MICAL3: variants seen among roughly 807,000 people sequenced by gnomAD.
The protein encoded by MICAL3 is microtubule associated monooxygenase, calponin and LIM domain containing 3.
In MICAL3, 62 loss-of-function variants were observed where a neutral mutation model predicts 207.4. The observed-to-expected ratio is 0.30, with a 90% CI of 0.24 to 0.37. MICAL3 has a LOEUF of 0.37. Ranked by LOEUF, MICAL3 falls within the 10% of genes least tolerant of loss-of-function variation. The pLI is 1.00. For synonymous variants in MICAL3, 1,077 were observed against 1,069.3 expected, an observed-to-expected ratio of 1.01 and a Z score of -0.14; for missense variants, 2,368 against 2,635.6, an observed-to-expected ratio of 0.90 and a Z score of 2.22.
In MICAL3 at chr22:17,817,497, C is replaced by A. The variant is rs767629560; in HGVS notation, c.5164G>T (p.Glu1722Ter). ...TCTAGGAGGTTGGAGCTGGGCTTCTCCGGGGGCCGGCCCTCGCCTTTGGAC... is the reference window on the plus strand; with the variant it reads ...TCTAGGAGGTTGGAGCTGGGCTTCTACGGGGGCCGGCCCTCGCCTTTGGAC... ...KKSKGEGRPP[E>*]KPSSNLLEEA... Residue 1722 changes from glutamate to a stop codon, truncating the protein, a stop_gained, in exon 26 of 32, where the codon GAG (glutamate) becomes TAG (stop). Coordinates refer to ENST00000441493, the MANE Select transcript of MICAL3 (RefSeq NM_015241.3). LOFTEE classifies it high-confidence loss of function. The A allele has an allele frequency of 6.2e-7, 1 of 1,613,578 alleles. No homozygotes were observed. The highest frequency in any genetic ancestry group is 1.7e-5 in the Admixed American group (1 of 59,990).
intron 1 of MICAL3, among the ~76,000 whole-genome samples, chr22:18,000,438 C>T (rs1922822656): frequency 6.6e-6 from 1 of 152,248 alleles, no homozygotes; most frequent in African/African-American, 2.4e-5. Flanking sequence ...GGGCTGGTCC[C>T]CGCCCCTTAA....
chr22:17,882,476 T>C (rs911757308), intron 16 of MICAL3, among the ~76,000 whole-genome samples: 3 of 152,216 alleles, frequency 2.0e-5, no homozygotes, highest in Non-Finnish European at 2.9e-5. Flanking sequence ...ACACAGGGCC[T>C]GGGTACCACT....
At chr22:17,920,475 C>A (rs1057496385) in intron 1 of MICAL3, among the ~76,000 whole-genome samples, 9 of 152,182 alleles carry the variant, frequency 5.9e-5, no homozygotes, top group Non-Finnish European at 8.8e-5. Flanking sequence ...GGCTCAGACG[C>A]GTTCCGGTCT....
At chr22:17,922,928 G>A (rs935871358) in intron 1 of MICAL3, among the ~76,000 whole-genome samples, 3 of 152,160 alleles carry the variant, frequency 2.0e-5, no homozygotes, top group East Asian at 1.9e-4. Context: ...CAGCTCAGTG[G>A]AATGTATTTT....
intron 1 of MICAL3, among the ~76,000 whole-genome samples, chr22:17,991,282 G>A (rs754769749): frequency 2.0e-5 from 3 of 152,248 alleles, no homozygotes; most frequent in Non-Finnish European, 2.9e-5. Flanking sequence ...AGAGGGGCAG[G>A]CAGGTGAAAG....
At chr22:17,891,170 G>C (rs1233037524) in intron 12 of MICAL3, among the ~76,000 whole-genome samples, 2 of 152,026 alleles carry the variant, frequency 1.3e-5, no homozygotes, top group Non-Finnish European at 2.9e-5. Context: ...GTTTTCCTTT[G>C]TGGGAAGCTA....
In MICAL3 at chr22:17,976,557, GTGTGTATA is replaced by G. The variant is rs797013227; in HGVS notation, c.-75+47716_-75+47723del. 3.6e-3 allele frequency among the ~76,000 whole-genome samples: 288 copies of G among 80,896 alleles called. 1 individual carries two copies. The highest frequency in any genetic ancestry group is 0.02 in the Middle Eastern group (3 of 150). The allele number at this position is 80,896 out of a possible 152,430, so 53.1% of individuals were successfully genotyped here. On this transcript the variant is annotated intron_variant, in intron 1 of 31. Coordinates refer to ENST00000441493, the MANE Select transcript of MICAL3 (RefSeq NM_015241.3). ...TATATGTGTGTGTGTGTGTGTGTGT[GTGTGTATA>G]TATATATATATATATATATATATAT...
chr22:17,812,029 GT>G (rs577994871), intron 27 of MICAL3, among the ~76,000 whole-genome samples: 13 of 152,202 alleles, frequency 8.5e-5, no homozygotes, highest in Admixed American at 2.0e-4. Flanking sequence ...GATTACAGGT[GT>G]GAGCCACCAT....
chr22:17,893,820 A>C lies in MICAL3; in HGVS notation c.1534T>G (p.Leu512Val), dbSNP rs1930593956. 1.3e-6 allele frequency: 2 copies of C among 1,573,508 alleles called. No homozygotes were observed. The highest frequency in any genetic ancestry group is 1.7e-6 in the Non-Finnish European group (2 of 1,157,872). The change falls in exon 11 of 32, where the codon TTG becomes GTG. Residue 512 changes from leucine to valine, a missense_variant. Physicochemically the swap from Leu to Val is conservative, Grantham distance 32. This residue lies in a region of MICAL3 where 147 missense variants were observed against 137.7 expected (regional missense o/e 1.07). Coordinates refer to ENST00000441493, the MANE Select transcript of MICAL3 (RefSeq NM_015241.3). ...CACCAGAACTCACCATTGCGAGTCA[A>C]TTTGGGGGTGGTTCGGGAATTCACC... ...SLVNSRTTPKLTRNESVARSS... is the reference protein window; with the variant it reads ...SLVNSRTTPKVTRNESVARSS...
chr22:18,020,504 A>G (rs564780065), intron 1 of MICAL3, among the ~76,000 whole-genome samples: 1 of 151,694 alleles, frequency 6.6e-6, no homozygotes, highest in Non-Finnish European at 1.5e-5. Flanking sequence ...TAATGTAATC[A>G]TCAAAATATA....
intron 19 of MICAL3, among the ~76,000 whole-genome samples, chr22:17,853,736 T>A (rs1925583786): frequency 1.3e-5 from 2 of 152,212 alleles, no homozygotes; most frequent in Admixed American, 1.3e-4. Flanking sequence ...TTTCAAGATC[T>A]GTGCTGGTTC....
intron 20 of MICAL3, among the ~76,000 whole-genome samples, chr22:17,837,330 C>T (rs1923503702): frequency 2.0e-5 from 3 of 152,246 alleles, no homozygotes; most frequent in South Asian, 2.1e-4. Context: ...CTCTCACTTT[C>T]GTGTTATTCT....
chr22:17,822,930 G>A lies in MICAL3; in HGVS notation c.3307+17C>T. On this transcript the variant is annotated intron_variant, in intron 23 of 31. Transcript: ENST00000441493. ...CCCTGAGCTCCCACCACAGGGGCGGGGAGGGCGGACCCCTACCATCATCCA... is the reference window on the plus strand; with the variant it reads ...CCCTGAGCTCCCACCACAGGGGCGGAGAGGGCGGACCCCTACCATCATCCA... 1.3e-6 allele frequency: 2 copies of A among 1,543,278 alleles called. No individual in the cohort carries two copies. Among genetic ancestry groups the A allele is most frequent in the African/African-American group, 1.4e-5 (1 of 73,410 alleles).
At chr22:17,930,548 C>A (rs1315698325) in intron 1 of MICAL3, among the ~76,000 whole-genome samples, 2 of 152,194 alleles carry the variant, frequency 1.3e-5, no homozygotes, top group African/African-American at 4.8e-5. Context: ...AGAGGGCAGA[C>A]ACAGGACAGA....
chr22:17,851,940 A>G (rs764953973), intron 19 of MICAL3, among the ~76,000 whole-genome samples: 9 of 152,220 alleles, frequency 5.9e-5, no homozygotes, highest in Admixed American at 3.3e-4. Flanking sequence ...AGAGGAGGAC[A>G]TGGGTCAGCA....
intron 19 of MICAL3, among the ~76,000 whole-genome samples, chr22:17,857,244 T>A (rs1926026206): frequency 6.6e-6 from 1 of 152,132 alleles, no homozygotes; most frequent in South Asian, 2.1e-4. Flanking sequence ...CTAGTGAGTG[T>A]CACAGCCTGA....
chr22:17,950,300 T>C (rs920048659), intron 1 of MICAL3, among the ~76,000 whole-genome samples: 1 of 151,152 alleles, frequency 6.6e-6, no homozygotes, highest in African/African-American at 2.4e-5. Context: ...CAGCTGGGAT[T>C]ACAGGCGCCT....
intron 19 of MICAL3, among the ~76,000 whole-genome samples, chr22:17,845,215 T>C (rs1266203312): frequency 6.6e-6 from 1 of 152,166 alleles, no homozygotes; most frequent in Non-Finnish European, 1.5e-5. Flanking sequence ...GGATAAGAAC[T>C]ATCACTTCAG....
intron 29 of MICAL3, among the ~76,000 whole-genome samples, chr22:17,802,307 C>T (rs1237318460): frequency 6.6e-6 from 1 of 152,194 alleles, no homozygotes; most frequent in Non-Finnish European, 1.5e-5. Flanking sequence ...TCAAATGATA[C>T]ACCTGCCTTG....
Sources: gnomAD v4.1 joint callset for allele counts (sites outside exome capture counted in the v4.1 genomes callset) on GRCh38, gnomAD v4.1.1 for gene constraint, gnomAD v4.1.1 regional missense constraint, MANE v1.5 for transcripts, NCBI Gene and HGNC (gene_info 2026-07-23, HGNC 2026-07-21) for gene names.